The following DLGAP1 variants were observed in gnomAD, a reference collection of about 807,000 sequenced individuals.
The protein encoded by DLGAP1 is disks large-associated protein 1.
In DLGAP1, 11 loss-of-function variants were observed where a neutral mutation model predicts 90.8. The ratio of observed to expected loss-of-function variants is 0.12; its 90% CI spans 0.08 to 0.20. DLGAP1 has a LOEUF of 0.20. Among genes scored for constraint, DLGAP1 ranks in the 10% least tolerant of loss-of-function variants. The pLI, the probability that DLGAP1 is intolerant of heterozygous loss-of-function variation, is 1.00. For synonymous variants in DLGAP1, 558 were observed against 540.7 expected (o/e 1.03, Z -0.44); for missense variants, 1,050 against 1,333.8 (o/e 0.79, Z 3.31).
intron 4 of DLGAP1, among the ~76,000 whole-genome samples, chr18:3,838,718 A>G (rs1175659299): frequency 6.6e-6 from 1 of 152,260 alleles, no homozygotes; most frequent in African/African-American, 2.4e-5. Flanking sequence ...TAATAAAAAG[A>G]TAATTGTTGC....
chr18:3,924,855 T>C (rs1022922938), intron 3 of DLGAP1, among the ~76,000 whole-genome samples: 1 of 152,194 alleles, frequency 6.6e-6, no homozygotes, highest in Non-Finnish European at 1.5e-5. Flanking sequence ...TACTTTATGG[T>C]GACATCTAAC....
intron 1 of DLGAP1, among the ~76,000 whole-genome samples, chr18:4,203,224 G>A (rs994974442): frequency 6.7e-5 from 10 of 149,370 alleles, no homozygotes; most frequent in African/African-American, 2.5e-4. Flanking sequence ...GCAGTGAGAT[G>A]AGATCGCGCC....
intron 1 of DLGAP1, among the ~76,000 whole-genome samples, chr18:4,324,387 C>CA (rs1474243713): frequency 6.7e-5 from 10 of 150,360 alleles, no homozygotes; most frequent in Middle Eastern, 3.4e-3. Context: ...GCCTACCAAC[C>CA]AAAAAAAAGC....
At chr18:3,619,742 C>CTT (rs10625913) in intron 7 of DLGAP1, among the ~76,000 whole-genome samples, 14,470 of 112,276 alleles carry the variant, frequency 0.13, 1,203 homozygotes, top group East Asian at 0.18. Flanking sequence ...TAGTTTTTTC[C>CTT]TTTTTTTTTT....
chr18:3,533,682 C>A (rs1354451532), intron 10 of DLGAP1, among the ~76,000 whole-genome samples: 1 of 152,138 alleles, frequency 6.6e-6, no homozygotes, highest in Non-Finnish European at 1.5e-5. Context: ...TCAAGTGATC[C>A]TTCCACCTCA....
At chr18:3,741,883 C>T (rs2063068147) in intron 6 of DLGAP1, among the ~76,000 whole-genome samples, 1 of 151,514 alleles carries the variant, frequency 6.6e-6, no homozygotes, top group Admixed American at 6.6e-5. Flanking sequence ...TGCTATGTCG[C>T]CCAGGCTGGA....
chr18:3,795,756 C>T (rs900852737), intron 5 of DLGAP1, among the ~76,000 whole-genome samples: 8 of 152,114 alleles, frequency 5.3e-5, no homozygotes, highest in East Asian at 1.9e-4. Flanking sequence ...GTAGCTAGAC[C>T]GGGAGATAGA....
In DLGAP1 at chr18:4,340,224, T is replaced by C. The variant is rs535086588; in HGVS notation, c.-267+114782A>G. ...TTATATGAACACAAGCACTGTGGTA[T>C]CTTGATAGTTGGTCTGATAACTGAG... On this transcript the variant is annotated intron_variant, in intron 1 of 12. Transcript: ENST00000315677. Among the ~76,000 whole-genome samples the C allele has an allele frequency of 1.4e-4, 21 of 152,296 alleles. 1 individual carries two copies. The South Asian group carries it at 3.9e-3, about 29-fold the overall frequency.
At chr18:3,595,446 A>G (rs562033328) in intron 7 of DLGAP1, among the ~76,000 whole-genome samples, 8 of 152,302 alleles carry the variant, frequency 5.3e-5, no homozygotes, top group Admixed American at 2.0e-4. Flanking sequence ...GTTGCCTGAA[A>G]TCAGTCATTT....
At chr18:3,820,421 G>A (rs1181249014) in intron 4 of DLGAP1, among the ~76,000 whole-genome samples, 1 of 152,150 alleles carries the variant, frequency 6.6e-6, no homozygotes, top group Non-Finnish European at 1.5e-5. Context: ...AGGAACCTAG[G>A]CATTTGGTTG....
At chr18:3,751,630 G>A (rs2063498640) in intron 5 of DLGAP1, among the ~76,000 whole-genome samples, 1 of 146,912 alleles carries the variant, frequency 6.8e-6, no homozygotes, top group Non-Finnish European at 1.5e-5. Flanking sequence ...ACGATCTTGT[G>A]TCACTGCAAC....
intron 8 of DLGAP1, among the ~76,000 whole-genome samples, chr18:3,570,371 C>G (rs965301027): frequency 4.0e-5 from 6 of 151,466 alleles, no homozygotes; most frequent in East Asian, 2.0e-4. Flanking sequence ...CTCCACCTCC[C>G]GGGTTCAAGT....
intron 1 of DLGAP1, among the ~76,000 whole-genome samples, chr18:4,427,743 G>A (rs1000404527): frequency 6.6e-6 from 1 of 152,176 alleles, no homozygotes; most frequent in Non-Finnish European, 1.5e-5. Flanking sequence ...GGTTTGAATT[G>A]TAAGTCATGG....
intron 4 of DLGAP1, among the ~76,000 whole-genome samples, chr18:3,818,948 C>G (rs942754100): frequency 3.5e-4 from 53 of 151,966 alleles, no homozygotes; most frequent in African/African-American, 1.3e-3. Flanking sequence ...AGGATGGGCT[C>G]TGCTGGAAGT....
At chr18:3,702,200 T>A (rs2061304012) in intron 7 of DLGAP1, among the ~76,000 whole-genome samples, 1 of 152,146 alleles carries the variant, frequency 6.6e-6, no homozygotes, top group Non-Finnish European at 1.5e-5. Flanking sequence ...TACAGGCGTC[T>A]GCCACCACGC....
chr18:3,556,499 A>G (rs999678279), intron 9 of DLGAP1, among the ~76,000 whole-genome samples: 15 of 152,206 alleles, frequency 9.9e-5, no homozygotes, highest in African/African-American at 3.6e-4. Context: ...CATAGTTGGA[A>G]TCATACAGTA....
At chr18:4,227,760 TA>T (rs59003543) in intron 1 of DLGAP1, among the ~76,000 whole-genome samples, 39 of 132,048 alleles carry the variant, frequency 3.0e-4, no homozygotes, top group South Asian at 7.1e-4. Context: ...AAACTTCAAA[TA>T]AAAAAAAAAA....
chr18:3,967,974 T>C (rs944179692), intron 3 of DLGAP1, among the ~76,000 whole-genome samples: 1 of 152,140 alleles, frequency 6.6e-6, no homozygotes, highest in Non-Finnish European at 1.5e-5. Flanking sequence ...GTGGCTGTTT[T>C]GAACATTTCA....
chr18:3,551,060 C>T (rs11664487), intron 9 of DLGAP1, among the ~76,000 whole-genome samples: 142,007 of 151,850 alleles, frequency 0.94, 67,146 homozygotes, highest in East Asian at 1. Flanking sequence ...CAGACTTATG[C>T]CTCTAGCCTC....
Sources: gnomAD v4.1 joint callset for allele counts (sites outside exome capture counted in the v4.1 genomes callset) on GRCh38, gnomAD v4.1.1 for gene constraint, MANE v1.5 for transcripts, NCBI Gene and HGNC (gene_info 2026-07-23, HGNC 2026-07-21) for gene names.